The following CEP128 variants were observed in gnomAD, a reference collection of about 807,000 sequenced individuals.
CEP128 encodes the protein centrosomal protein 128.
Under a neutral mutation model 156.7 loss-of-function variants are expected in CEP128, and 132 were observed. The observed-to-expected ratio is 0.84, with a 90% CI of 0.73 to 0.97. The LOEUF is 0.97. CEP128 is among the 50% of genes least tolerant of loss of function. The pLI is 0.00. For missense variants in CEP128, 1,252 were observed against 1,281.9 expected, an observed-to-expected ratio of 0.98 and a Z score of 0.36; for synonymous variants, 469 against 448.9, an observed-to-expected ratio of 1.04 and a Z score of -0.57.
chr14:80,541,906 C>T (rs1329658703), intron 21 of CEP128, among the ~76,000 whole-genome samples: 1 of 152,188 alleles, frequency 6.6e-6, no homozygotes, highest in Non-Finnish European at 1.5e-5. Flanking sequence ...GGGTTAGTCA[C>T]CTACTGGCTA....
intron 22 of CEP128, among the ~76,000 whole-genome samples, chr14:80,529,705 G>C (rs1428459159): frequency 6.6e-6 from 1 of 152,142 alleles, no homozygotes; most frequent in African/African-American, 2.4e-5. Flanking sequence ...GGTTGTTTAA[G>C]AGTAAACAGA....
chr14:80,957,090 T>C (rs1472383860), intron 2 of CEP128, among the ~76,000 whole-genome samples: 4 of 152,194 alleles, frequency 2.6e-5, no homozygotes, highest in African/African-American at 9.7e-5. Context: ...TGCTGAGAAC[T>C]TCTGGCACTT....
chr14:80,833,524 C>A (rs1885919881), intron 12 of CEP128, among the ~76,000 whole-genome samples: 1 of 151,808 alleles, frequency 6.6e-6, no homozygotes, highest in Non-Finnish European at 1.5e-5. Context: ...TTGGAGAATG[C>A]TTGGTCAGTA....
intron 2 of CEP128, among the ~76,000 whole-genome samples, chr14:80,930,633 A>G (rs1481822442): frequency 6.6e-6 from 1 of 152,222 alleles, no homozygotes; most frequent in Non-Finnish European, 1.5e-5. Flanking sequence ...GTATGTGATG[A>G]CCAGCTATGC....
chr14:80,755,844 C>T (rs565062186), intron 18 of CEP128, among the ~76,000 whole-genome samples: 3 of 152,198 alleles, frequency 2.0e-5, no homozygotes, highest in Non-Finnish European at 2.9e-5. Context: ...CATCACAACC[C>T]GTTTACACTG....
At chr14:80,793,278 C>T (rs572261124) in intron 13 of CEP128, among the ~76,000 whole-genome samples, 168 bp from the exon 14 acceptor site, 1 of 152,146 alleles carries the variant, frequency 6.6e-6, no homozygotes, top group African/African-American at 2.4e-5. Flanking sequence ...TATTTTATAA[C>T]CACATTAGTT....
chr14:80,634,908 GATAAGAAC>G (rs1894117452), intron 19 of CEP128, among the ~76,000 whole-genome samples: 1 of 152,104 alleles, frequency 6.6e-6, no homozygotes, highest in South Asian at 2.1e-4. Flanking sequence ...TTCTCTTTCA[GATAAGAAC>G]CACCAGTTGC....
At chr14:80,762,404 C>T (rs907482387) in intron 16 of CEP128, among the ~76,000 whole-genome samples, 16 of 152,024 alleles carry the variant, frequency 1.1e-4, no homozygotes, top group African/African-American at 3.9e-4. Context: ...TCAGTCATCA[C>T]ACTGTAACCT....
At chr14:80,501,591 G>A (rs374656695) in intron 24 of CEP128, among the ~76,000 whole-genome samples, 46 of 151,552 alleles carry the variant, frequency 3.0e-4, no homozygotes, top group African/African-American at 1.1e-3. Context: ...TGCAACCTCC[G>A]CCTCCCGGGT....
At chr14:80,684,800 T>A (rs1038500106) in intron 19 of CEP128, among the ~76,000 whole-genome samples, 1 of 151,102 alleles carries the variant, frequency 6.6e-6, no homozygotes, top group Admixed American at 6.6e-5. Flanking sequence ...GTTCAACATA[T>A]GTAAATCAGT....
intron 2 of CEP128, among the ~76,000 whole-genome samples, chr14:80,952,749 C>A (rs1442779405): frequency 6.6e-6 from 1 of 151,660 alleles, no homozygotes; most frequent in Admixed American, 6.6e-5. Context: ...AAATTGATAA[C>A]CCTCTGGATA....
chr14:80,664,428 A>T (rs1895528346), intron 19 of CEP128, among the ~76,000 whole-genome samples: 1 of 152,142 alleles, frequency 6.6e-6, no homozygotes, highest in South Asian at 2.1e-4. Context: ...TCAGAGGGAC[A>T]TAGCCAGCAA....
chr14:80,883,019 T>G (rs951815599), intron 8 of CEP128, among the ~76,000 whole-genome samples: 1 of 152,134 alleles, frequency 6.6e-6, no homozygotes, highest in Non-Finnish European at 1.5e-5. Flanking sequence ...AAGAATTTAA[T>G]TGTACATTTT....
At chr14:80,935,971 C>A (rs1022912673) in intron 2 of CEP128, among the ~76,000 whole-genome samples, 1 of 152,162 alleles carries the variant, frequency 6.6e-6, no homozygotes. Flanking sequence ...AGCTTTCTTA[C>A]ACACAGACAT....
At chr14:80,720,110 AG>A (rs1897759283) in intron 19 of CEP128, among the ~76,000 whole-genome samples, 1 of 151,862 alleles carries the variant, frequency 6.6e-6, no homozygotes. Flanking sequence ...TGGGGGCTAC[AG>A]GGTAAACGAG....
At chr14:80,895,627 G>C (rs1889309494) in intron 8 of CEP128, 91 bp downstream of exon 8, 1 of 835,216 alleles carries the variant, frequency 1.2e-6, no homozygotes, top group African/African-American at 1.7e-5. Context: ...CACCCAAAAG[G>C]TTAAACTCTA....
chr14:80,811,156 T>C (rs1884510355), intron 13 of CEP128, among the ~76,000 whole-genome samples: 1 of 152,202 alleles, frequency 6.6e-6, no homozygotes, highest in Non-Finnish European at 1.5e-5. Flanking sequence ...CCATGGTATA[T>C]ATGTACCACA....
intron 19 of CEP128, among the ~76,000 whole-genome samples, chr14:80,616,526 G>GT (rs1036632445): frequency 1.0e-3 from 104 of 101,780 alleles, no homozygotes; most frequent in Admixed American, 6.7e-3. Flanking sequence ...AAATTCAACT[G>GT]TTTTTTTTGA....
chr14:80,871,302 C>T (rs191747104), intron 8 of CEP128, among the ~76,000 whole-genome samples: 24 of 152,168 alleles, frequency 1.6e-4, no homozygotes, highest in African/African-American at 5.5e-4. Context: ...AGCAGAGGGA[C>T]CAACTTCATT....
Sources: allele counts gnomAD v4.1 joint callset (sites outside exome capture counted in the v4.1 genomes callset), GRCh38; gene constraint gnomAD v4.1.1; transcripts MANE v1.5; gene names NCBI Gene and HGNC (gene_info 2026-07-23, HGNC 2026-07-21).